Variants in ZNF777 observed in about 807,000 individuals in gnomAD.
The protein encoded by ZNF777 is zinc finger protein 777.
ZNF777 carries 7 observed loss-of-function variants against 72.1 expected under a neutral mutation model. That is an observed-to-expected ratio of 0.10 (90% confidence interval 0.06 to 0.18). The LOEUF is 0.18. Ranked by LOEUF, ZNF777 falls within the 10% of genes least tolerant of loss-of-function variation. The pLI is 1.00. For missense variants in ZNF777, 828 were observed against 1,128.6 expected (o/e 0.73, Z 3.82); for synonymous variants, 545 against 483.5 (o/e 1.13, Z -1.67).
Position 149,455,938 on chromosome 7 carries a change from G to C in ZNF777, c.85C>G (p.Arg29Gly). The C allele has an allele frequency of 6.2e-7, 1 of 1,613,682 alleles. No individual in the cohort carries two copies. Among genetic ancestry groups the C allele is most frequent in the South Asian group, 1.1e-5 (1 of 91,060 alleles). Reference protein sequence around the residue: ...TLRQAPAGLPRETLFQSRVLP... With the variant: ...TLRQAPAGLPGETLFQSRVLP... ...ACGCGGGATTGGAACAGAGTTTCTC[G>C]GGGGAGTCCAGCAGGGGCCTGACGT... is the stretch of plus-strand genomic sequence containing the variant. Residue 29 changes from arginine to glycine, a missense_variant, in exon 2 of 6, where the codon CGA becomes GGA. By Grantham distance (125) the Arg-to-Gly change is moderately radical (BLOSUM62 -2). Transcript: ENST00000247930. This position sits in a 1 kb window ranked among gnomAD's most constrained non-coding sequence, Gnocchi z 4.2.
rs1355835735 is a variant in ZNF777 at position 149,431,845 on chromosome 7, C to T, written c.2427G>A (p.Thr809=). Reference sequence around the variant, plus strand: ...TGTAGCGGAAGCACTTGGCGCAGTGCGTGCAGGGGTAGGGCCGCTCGCCCG... The same window carrying T: ...TGTAGCGGAAGCACTTGGCGCAGTGTGTGCAGGGGTAGGGCCGCTCGCCCG... ...AHTGERPYPC[T]HCAKCFRYKQ... The change falls in exon 6 of 6, where the codon ACG becomes ACA. Residue 809 remains threonine (T), a synonymous_variant. Coordinates refer to ENST00000247930, the MANE Select transcript of ZNF777 (RefSeq NM_015694.3). 7 of 1,604,200 alleles carry T rather than the reference C, an allele frequency of 4.4e-6. No individual in the cohort carries two copies. The highest frequency in any genetic ancestry group is 1.7e-4 in the Middle Eastern group (1 of 6,052).
Position 149,451,004 on chromosome 7 carries a change from C to A in ZNF777, c.1082G>T (p.Ser361Ile). The change falls in exon 4 of 6, where the codon AGT becomes ATT. Residue 361 changes from serine (S) to isoleucine (I), a missense_variant. Transcript: ENST00000247930. ...GATCACCCTTAGCCACTCACCAGCACTGGGATCTGTCGGCGTTTCGCCCTC... is the reference window on the plus strand; with the variant it reads ...GATCACCCTTAGCCACTCACCAGCAATGGGATCTGTCGGCGTTTCGCCCTC... ...SEEGETPTDP[S>I]AAHDGIVIKI... The A allele has an allele frequency of 6.2e-7, 1 of 1,613,604 alleles. No homozygotes were observed. The highest frequency in any genetic ancestry group is 8.5e-7 in the Non-Finnish European group (1 of 1,179,862).
chr7:149,431,725 G>A lies in ZNF777; in HGVS notation c.*51C>T, dbSNP rs898597791. ...TGGGCTCGGGCCTGGCGGTGTCCGA[G>A]GGGGGGCACGGCCCGCGCACCTGGC... On this transcript the variant is annotated 3_prime_UTR_variant, in exon 6 of 6. Coordinates refer to ENST00000247930, the MANE Select transcript of ZNF777 (RefSeq NM_015694.3). 15 of 1,261,402 alleles carry A rather than the reference G, an allele frequency of 1.2e-5. No individual in the cohort carries two copies. The highest frequency in any genetic ancestry group is 3.5e-5 in the African/African-American group (2 of 56,724). The allele number at this position is 1,261,402 out of a possible 1,614,324, so 78.1% of individuals were successfully genotyped here. A position where few individuals can be genotyped will look rare whatever the true frequency, so the allele number is the denominator to read the frequency against.
chr7:149,436,913 A>T lies in ZNF777; in HGVS notation c.1088-87T>A. 6.8e-7 allele frequency: 1 copy of T among 1,477,218 alleles called. No homozygotes were observed. The highest frequency in any genetic ancestry group is 9.2e-7 in the Non-Finnish European group (1 of 1,087,264). The allele number at this position is 1,477,218 out of a possible 1,614,324, so 91.5% of individuals were successfully genotyped here. ...CCAGGTTTCTGCAGCCCTACAATTT[A>T]CATCTCAATAAGTCTTATCTTAGAG... On this transcript the variant is annotated intron_variant, in intron 4 of 5. Transcript: ENST00000247930. This position sits in a 1 kb window ranked among gnomAD's most constrained non-coding sequence, Gnocchi z 5.0.
chr7:149,440,186 G>A (rs1446400128), intron 4 of ZNF777, among the ~76,000 whole-genome samples: 1 of 152,178 alleles, frequency 6.6e-6, no homozygotes, highest in Admixed American at 6.5e-5. Flanking sequence ...TTTTGTTAAA[G>A]GTAAAATATT....
Position 149,460,227 on chromosome 7 carries a change from C to A in ZNF777, c.-16+588G>T, listed in dbSNP as rs1189156072. On this transcript the variant is annotated intron_variant, in intron 1 of 5. Transcript: ENST00000247930. The surrounding 1 kb of genome is among the most constrained non-coding windows in gnomAD (Gnocchi z 6.1). ...GCTACTGCGCGCGGCCCCACGCAGG[C>A]CCGGCCGCCCGGCGCTCTCCGCAGG... 1.4e-5 allele frequency: 5 copies of A among 369,488 alleles called. No homozygotes were observed. Among genetic ancestry groups the A allele is most frequent in the Non-Finnish European group, 1.9e-5 (5 of 270,256 alleles). 22.9% of individuals were successfully genotyped at this position (369,488 alleles called of 1,614,324 possible). A position where few individuals can be genotyped will look rare whatever the true frequency, so the allele number is the denominator to read the frequency against.
chr7:149,431,680 G>A lies in ZNF777; in HGVS notation c.*96C>T, dbSNP rs1441776594. The A allele has an allele frequency of 4.4e-6, 5 of 1,128,450 alleles. No individual in the cohort carries two copies. Among genetic ancestry groups the A allele is most frequent in the Admixed American group, 5.2e-5 (1 of 19,398 alleles). 69.9% of individuals were successfully genotyped at this position (1,128,450 alleles called of 1,614,324 possible). ...GGAGCTCACGGCAAAGGGGCTGGGG[G>A]GCGCCCCGCCCCCGCCCGCTGGGCT... On this transcript the variant is annotated 3_prime_UTR_variant, in exon 6 of 6. Coordinates refer to ENST00000247930, the MANE Select transcript of ZNF777 (RefSeq NM_015694.3).
chr7:149,454,099 GC>G lies in ZNF777; in HGVS notation c.973+11del. The G allele has an allele frequency of 6.2e-7, 1 of 1,614,150 alleles. No homozygotes were observed. Among genetic ancestry groups the G allele is most frequent in the Non-Finnish European group, 8.5e-7 (1 of 1,179,988 alleles). The stretch of plus-strand genomic sequence containing the variant: ...TCCAGGCAGCCCCCAGCGAGCGAAG[GC>G]TTCTCCTTACCCATGGAAACCAGGG... On this transcript the variant is annotated intron_variant, in intron 3 of 5. Coordinates refer to ENST00000247930, the MANE Select transcript of ZNF777 (RefSeq NM_015694.3).
chr7:149,452,505 T>C (rs1005817154), intron 3 of ZNF777, among the ~76,000 whole-genome samples: 2 of 146,114 alleles, frequency 1.4e-5, no homozygotes, highest in African/African-American at 2.5e-5. Context: ...CAGTGGAAGG[T>C]GCCTGTAGTC....
chr7:149,460,702 T>C lies in ZNF777; in HGVS notation c.-16+113A>G, dbSNP rs920577684. 1 of 151,920 alleles carries C rather than the reference T, an allele frequency of 6.6e-6. No individual in the cohort carries two copies. Among genetic ancestry groups the C allele is most frequent in the Non-Finnish European group, 1.5e-5 (1 of 68,014 alleles). The allele number at this position is 151,920 out of a possible 1,614,324, so 9.4% of individuals were successfully genotyped here. A position where few individuals can be genotyped will look rare whatever the true frequency, so the allele number is the denominator to read the frequency against. On this transcript the variant is annotated intron_variant, in intron 1 of 5. Transcript: ENST00000247930. This position sits in a 1 kb window ranked among gnomAD's most constrained non-coding sequence, Gnocchi z 6.1. ...CTACAGCCGGTAGGAGCGAACAGTG[T>C]CGAGCGAGCCGCCCGGCGGCGACGG... is the stretch of plus-strand genomic sequence containing the variant.
In ZNF777 at chr7:149,455,653, G is replaced by A; in HGVS notation, c.370C>T (p.His124Tyr). The A allele has an allele frequency of 1.3e-6, 2 of 1,567,862 alleles. No homozygotes were observed. Among genetic ancestry groups the A allele is most frequent in the Non-Finnish European group, 1.7e-6 (2 of 1,157,996 alleles). ...GGGGAGTGAACGGGGGCTTCCTGGT[G>A]GTGGGGGGAGTGGGAGAGAAGGGAG... The part of the protein sequence containing the change: ...EVSLLSHSPH[H>Y]QEAPVHSPEA... The change falls in exon 2 of 6, where the codon CAC (histidine) becomes TAC (tyrosine). Residue 124 changes from histidine to tyrosine, a missense_variant. By Grantham distance (83) the His-to-Tyr change is moderately conservative. Around this residue, in one of 12 missense-constraint regions of ZNF777, gnomAD observed 222 missense variants for 211.2 expected, o/e 1.05. Transcript: ENST00000247930. The surrounding 1 kb of genome is among the most constrained non-coding windows in gnomAD (Gnocchi z 4.2).
chr7:149,443,436 T>C (rs1799557474), intron 4 of ZNF777, among the ~76,000 whole-genome samples: 2 of 152,220 alleles, frequency 1.3e-5, no homozygotes. Flanking sequence ...TCACTCTCTC[T>C]GTACTTTTTC....
chr7:149,455,983 C>A lies in ZNF777; in HGVS notation c.40G>T (p.Val14Phe), dbSNP rs371789049. The change falls in exon 2 of 6, where the codon GTT (valine) becomes TTT (phenylalanine). Residue 14 changes from valine to phenylalanine, a missense_variant. This residue lies in a region of ZNF777 where 222 missense variants were observed against 211.2 expected (regional missense o/e 1.05). Coordinates refer to ENST00000247930, the MANE Select transcript of ZNF777 (RefSeq NM_015694.3). The surrounding 1 kb of genome is among the most constrained non-coding windows in gnomAD (Gnocchi z 4.2). ...QRSSPLSFPS[V>F]PQEETLRQAP... is the part of the protein sequence containing the mutation. ...TGACGTAAGGTTTCTTCTTGTGGAA[C>A]ACTGGGGAACGACAGAGGTGATGAG... 18 of 1,607,286 alleles carry A rather than the reference C, an allele frequency of 1.1e-5. No homozygotes were observed. The highest frequency in any genetic ancestry group is 1.7e-5 in the Admixed American group (1 of 59,144).
chr7:149,459,354 CCT>C (rs1262249579), intron 1 of ZNF777, among the ~76,000 whole-genome samples: 1 of 152,188 alleles, frequency 6.6e-6, no homozygotes, highest in Non-Finnish European at 1.5e-5. Context: ...GCCCCCAACC[CCT>C]GAGAAGCTTA....
rs536681202 is a variant in ZNF777, at chr7:149,445,352, CCA to C, written c.1087+5645_1087+5646del. 2.8e-3 allele frequency among the ~76,000 whole-genome samples: 422 copies of C among 152,274 alleles called. 2 individuals carry two copies. The highest frequency in any genetic ancestry group is 9.7e-3 in the African/African-American group (401 of 41,542). Reference sequence around the variant, plus strand: ...TGATTTCTTTACTTGTCTCTGTACACCACAGAGTTTTCCCAAATGTCTTCTCA... The same window carrying C: ...TGATTTCTTTACTTGTCTCTGTACACCAGAGTTTTCCCAAATGTCTTCTCA... On this transcript the variant is annotated intron_variant, in intron 4 of 5. Coordinates refer to ENST00000247930, the MANE Select transcript of ZNF777 (RefSeq NM_015694.3).
At chr7:149,438,184 G>A (rs1315081916) in intron 4 of ZNF777, among the ~76,000 whole-genome samples, 4 of 151,892 alleles carry the variant, frequency 2.6e-5, no homozygotes, top group Admixed American at 1.3e-4. Context: ...TTTTAGTAGC[G>A]ATGGGGTTTC....
rs1050519762 is a variant in ZNF777, at chr7:149,460,715, C to A, written c.-16+100G>T. ...GAGCGAACAGTGTCGAGCGAGCCGC[C>A]CGGCGGCGACGGACACGCCCTGAGC... is the stretch of plus-strand genomic sequence containing the variant. On this transcript the variant is annotated intron_variant, in intron 1 of 5. Transcript: ENST00000247930. The surrounding 1 kb of genome is among the most constrained non-coding windows in gnomAD (Gnocchi z 6.1). 6.6e-6 allele frequency: 1 copy of A among 152,250 alleles called. No homozygotes were observed. Among genetic ancestry groups the A allele is most frequent in the African/African-American group, 2.4e-5 (1 of 41,448 alleles). 9.4% of individuals were successfully genotyped at this position (152,250 alleles called of 1,614,324 possible).
rs1001394171 is a variant in ZNF777 at position 149,432,807 on chromosome 7, T to C, written c.1465A>G (p.Thr489Ala). ...SGRYEASMYQTPLPGEMSPEG... is the reference protein window; with the variant it reads ...SGRYEASMYQAPLPGEMSPEG... ...GGGGACATCTCCCCGGGCAGCGGGG[T>C]CTGGTACATACTGGCCTCATATCTC... Residue 489 changes from threonine to alanine, a missense_variant, in exon 6 of 6, where the codon ACC becomes GCC. Physicochemically the swap from Thr to Ala is moderately conservative, Grantham distance 58. This residue lies in a region of ZNF777 where 219 missense variants were observed against 223.0 expected (regional missense o/e 0.98). Transcript: ENST00000247930. 6.2e-6 allele frequency: 10 copies of C among 1,607,042 alleles called. No individual in the cohort carries two copies. Among genetic ancestry groups the C allele is most frequent in the Non-Finnish European group, 8.5e-6 (10 of 1,175,474 alleles).
At chr7:149,438,760 G>A (rs1186847302) in intron 4 of ZNF777, among the ~76,000 whole-genome samples, 1 of 152,114 alleles carries the variant, frequency 6.6e-6, no homozygotes, top group Non-Finnish European at 1.5e-5. Context: ...TAAGAAATCA[G>A]ACAAACTCAT....
Sources: allele counts gnomAD v4.1 joint callset (sites outside exome capture counted in the v4.1 genomes callset), GRCh38; gene constraint gnomAD v4.1.1; regional missense constraint gnomAD v4.1.1; non-coding constraint Gnocchi (gnomAD v3.1); transcripts MANE v1.5; gene names NCBI Gene and HGNC (gene_info 2026-07-23, HGNC 2026-07-21).